The following SEMA4B variants were observed in gnomAD, a reference collection of about 807,000 sequenced individuals.
SEMA4B encodes the protein semaphorin-4B.
SEMA4B carries 55 observed loss-of-function variants against 88.1 expected under a neutral mutation model. That is an observed-to-expected ratio of 0.62 (90% CI 0.50 to 0.78). SEMA4B has a LOEUF of 0.78. SEMA4B is among the 30% of genes least tolerant of loss of function. SEMA4B has a pLI of 0.00. For missense variants in SEMA4B, 1,062 were observed against 1,111.9 expected, an observed-to-expected ratio of 0.96 and a Z score of 0.64; for synonymous variants, 525 against 473.6, an observed-to-expected ratio of 1.11 and a Z score of -1.41.
rs146205261 is a variant in SEMA4B at position 90,190,191 on chromosome 15, C to A, written c.-122+5110C>A. 2.6e-3 allele frequency among the ~76,000 whole-genome samples: 400 copies of A among 152,338 alleles called. 3 individuals carry two copies. Among genetic ancestry groups the A allele is most frequent in the African/African-American group, 9.2e-3 (383 of 41,580 alleles). On this transcript the variant is annotated intron_variant, in intron 1 of 14. Transcript: ENST00000332496. ...GTGAGATTCCTATCCAGGCATGGATCTTTGGTGCCACCCTCACATCAGCTT... is the reference window on the plus strand; with the variant it reads ...GTGAGATTCCTATCCAGGCATGGATATTTGGTGCCACCCTCACATCAGCTT...
At position 90,201,567 on chromosome 15, in the gene SEMA4B, C is replaced by T. The variant is rs1960729050; in HGVS notation, c.-12C>T. On this transcript the variant is annotated 5_prime_UTR_variant, in exon 1 of 14. Transcript: ENST00000411539. ...GCCCGAGCCGCGGGACACCGTCGCT[C>T]CTGCTCTCCGAATGCTGCGCACCGC... 6 of 1,483,116 alleles carry T rather than the reference C, an allele frequency of 4.0e-6. No individual in the cohort carries two copies. The highest frequency in any genetic ancestry group is 2.5e-5 in the South Asian group (2 of 78,932). 91.9% of individuals were successfully genotyped at this position (1,483,116 alleles called of 1,614,324 possible).
chr15:90,222,215 C>T (rs1309791165), intron 7 of SEMA4B, among the ~76,000 whole-genome samples: 1 of 147,868 alleles, frequency 6.8e-6, no homozygotes, highest in Non-Finnish European at 1.5e-5. Flanking sequence ...GCTGGGATTA[C>T]AGGCATGAGC....
chr15:90,221,296 A>G (rs575943695), intron 5 of SEMA4B, 71 bp from the exon 6 acceptor site: 3 of 1,361,978 alleles, frequency 2.2e-6, no homozygotes, highest in African/African-American at 2.9e-5. Flanking sequence ...TGCTGGGGTC[A>G]CTCTGGGCCC....
intron 3 of SEMA4B, chr15:90,219,380 G>A (rs1961690053): frequency 6.2e-6 from 1 of 160,010 alleles, no homozygotes; most frequent in Admixed American, 6.4e-5. Context: ...CCCATTTGAA[G>A]GTGATGCATG....
intron 1 of SEMA4B, among the ~76,000 whole-genome samples, chr15:90,194,570 T>C (rs919553609): frequency 6.6e-6 from 1 of 152,094 alleles, no homozygotes; most frequent in African/African-American, 2.4e-5. Context: ...TGTTCTAACC[T>C]TGATGGAGGT....
rs1485203913 is a variant in SEMA4B, at chr15:90,228,523, A to C, written c.2394A>C (p.Arg798=). The C allele has an allele frequency of 4.3e-6, 7 of 1,612,266 alleles. No homozygotes were observed. The South Asian group carries it at 6.6e-5, about 15-fold the overall frequency. Reference sequence around the variant, plus strand: ...TGTCAGACAGCCCCCCGGGGTCCCGAGTCTTCACTGAGTCAGAGAAGAGGC... The same window carrying C: ...TGTCAGACAGCCCCCCGGGGTCCCGCGTCTTCACTGAGTCAGAGAAGAGGC... ...QSLSDSPPGS[R]VFTESEKRPL... is the part of the protein sequence containing the mutation. Residue 798 remains arginine, a synonymous_variant, in exon 14 of 14, where the codon CGA becomes CGC. Transcript: ENST00000411539.
intron 1 of SEMA4B, among the ~76,000 whole-genome samples, chr15:90,203,634 C>T (rs775603365): frequency 3.3e-5 from 5 of 152,194 alleles, no homozygotes; most frequent in East Asian, 1.9e-4. Context: ...TCTACAAGCC[C>T]GTGACTGTTC....
chr15:90,225,590 A>G (rs974726224), intron 11 of SEMA4B, 71 bp from the exon 12 acceptor site: 1 of 1,515,092 alleles, frequency 6.6e-7, no homozygotes, highest in Admixed American at 2.0e-5. Context: ...GGAGGCATAC[A>G]AGCCGGGTGG....
chr15:90,195,952 G>A (rs1375976142), intron 1 of SEMA4B, among the ~76,000 whole-genome samples: 4 of 107,802 alleles, frequency 3.7e-5, no homozygotes, highest in Middle Eastern at 5.3e-3. Context: ...ACGGAGTCTC[G>A]CTCTGTCACC....
Position 90,225,380 on chromosome 15 carries a change from C to T in SEMA4B, c.1504C>T (p.Leu502Phe), listed in dbSNP as rs762521122. ...FSSGQPVQNL[L>F]LDTHRGLLYA... ...ATCGGGACAGCCCGTGCAGAATCTG[C>T]TCCTGGACACCCACAGGGTGAGCAG... Residue 502 changes from leucine to phenylalanine, a missense_variant, in exon 11 of 14, where the codon CTC (leucine) becomes TTC (phenylalanine). Transcript: ENST00000411539. 14 of 1,551,454 alleles carry T rather than the reference C, an allele frequency of 9.0e-6. No individual in the cohort carries two copies. The South Asian group carries it at 1.5e-4, about 17-fold the overall frequency.
At chr15:90,222,548 T>A (rs1961915430) in intron 7 of SEMA4B, among the ~76,000 whole-genome samples, 1 of 151,424 alleles carries the variant, frequency 6.6e-6, no homozygotes, top group Admixed American at 6.6e-5. Flanking sequence ...CCAGCCTGGG[T>A]GACAGAGCAA....
intron 9 of SEMA4B, 129 bp downstream of exon 9, chr15:90,224,117 A>G: frequency 2.5e-6 from 2 of 808,516 alleles, no homozygotes; most frequent in East Asian, 2.7e-5. Flanking sequence ...CTCATCTTTA[A>G]TATGGGGATA....
At chr15:90,226,573 T>G (rs1962182065) in intron 12 of SEMA4B, among the ~76,000 whole-genome samples, 1 of 152,174 alleles carries the variant, frequency 6.6e-6, no homozygotes, top group Non-Finnish European at 1.5e-5. Flanking sequence ...ACTTCTGACC[T>G]CAGATGATCC....
At chr15:90,213,507 G>C (rs1961372834) in intron 1 of SEMA4B, among the ~76,000 whole-genome samples, 1 of 152,258 alleles carries the variant, frequency 6.6e-6, no homozygotes, top group Non-Finnish European at 1.5e-5. Context: ...GGCCTGGGCT[G>C]AACCAGGGAC....
Position 90,212,478 on chromosome 15 carries a change from A to C in SEMA4B, c.158-4961A>C, listed in dbSNP as rs1434831778. On this transcript the variant is annotated intron_variant, in intron 1 of 13. Coordinates refer to ENST00000411539, the MANE Select transcript of SEMA4B (RefSeq NM_198925.4). The surrounding 1 kb of genome is among the most constrained non-coding windows in gnomAD (Gnocchi z 4.0). Reference sequence around the variant, plus strand: ...CCGAGCAGCACAGGCAGCCCAGGAGAGCGAGCGAGACACTCTTTGACACAA... The same window carrying C: ...CCGAGCAGCACAGGCAGCCCAGGAGCGCGAGCGAGACACTCTTTGACACAA... 6.6e-6 allele frequency among the ~76,000 whole-genome samples: 1 copy of C among 152,162 alleles called. No individual in the cohort carries two copies. Among genetic ancestry groups the C allele is most frequent in the Admixed American group, 6.5e-5 (1 of 15,284 alleles).
At chr15:90,217,898 A>G in intron 3 of SEMA4B, 69 bp downstream of exon 3, 2 of 1,378,838 alleles carry the variant, frequency 1.5e-6, no homozygotes, top group Non-Finnish European at 1.0e-6. Flanking sequence ...CATCCAGGCC[A>G]GAGGCGGGAG....
intron 1 of SEMA4B, among the ~76,000 whole-genome samples, chr15:90,189,406 C>T (rs1028977329): frequency 1.3e-5 from 2 of 152,132 alleles, no homozygotes; most frequent in African/African-American, 2.4e-5. Context: ...CTTAGTAAGT[C>T]CTGGAACCTC....
rs775334627 is a variant in SEMA4B, at chr15:90,223,551, C to G, written c.862-8C>G. On this transcript the variant is annotated splice_region_variant and splice_polypyrimidine_tract_variant and intron_variant, in intron 7 of 13. Transcript: ENST00000411539. ...GCCTAAGCCCAGCCCATCCGACTCT[C>G]CCTCCAGGGCGATGAGGGTGGAGAG... 7.6e-6 allele frequency: 12 copies of G among 1,568,662 alleles called. No individual in the cohort carries two copies. The highest frequency in any genetic ancestry group is 9.5e-6 in the Non-Finnish European group (11 of 1,154,356).
At position 90,221,530 on chromosome 15, in the gene SEMA4B, C is replaced by T. The variant is rs1429497319; in HGVS notation, c.709+50C>T. 3 of 1,607,032 alleles carry T rather than the reference C, an allele frequency of 1.9e-6. No homozygotes were observed. The Admixed American group carries it at 5.1e-5, about 27-fold the overall frequency. Reference sequence around the variant, plus strand: ...GAGGGCAGGGATCCTGTTCACCCAGCCCTAGAAGGGGGCACTTTCCCCCAG... The same window carrying T: ...GAGGGCAGGGATCCTGTTCACCCAGTCCTAGAAGGGGGCACTTTCCCCCAG... On this transcript the variant is annotated intron_variant, in intron 6 of 13. Coordinates refer to ENST00000411539, the MANE Select transcript of SEMA4B (RefSeq NM_198925.4).
Sources: gnomAD v4.1 joint callset for allele counts (sites outside exome capture counted in the v4.1 genomes callset) on GRCh38, gnomAD v4.1.1 for gene constraint, Gnocchi (gnomAD v3.1) non-coding constraint, MANE v1.5 for transcripts, NCBI Gene and HGNC (gene_info 2026-07-23, HGNC 2026-07-21) for gene names.